The following LRRC9 variants were observed in gnomAD, a reference collection of about 807,000 sequenced individuals.
LRRC9 encodes leucine rich repeat containing 9, also known as leucine-rich repeat-containing protein 9.
A neutral mutation model predicts 63.2 loss-of-function variants in LRRC9; 122 were observed. The observed-to-expected ratio is 1.93, with a 90% CI of 1.67 to 2.24. The LOEUF is 2.24. Ranked by LOEUF, LRRC9 falls within the 30% of genes most tolerant of loss-of-function variation. LRRC9 has a pLI of 0.00. For synonymous variants in LRRC9, 366 were observed against 213.1 expected (o/e 1.72, Z -6.25); for missense variants, 1,071 against 627.7 (o/e 1.71, Z -7.55).
chr14:59,998,586 A>C (rs527261291), intron 18 of LRRC9, among the ~76,000 whole-genome samples: 1 of 152,200 alleles, frequency 6.6e-6, no homozygotes, highest in African/African-American at 2.4e-5. Flanking sequence ...TTAAAAAGGA[A>C]ACTAAGCACA....
In LRRC9 at chr14:60,051,219, C is replaced by A. The variant is rs1448106348; in HGVS notation, c.3991-1846C>A. ...ACAACAGAGACACTGTCTGCCTCTCCCCACAGGAGTTCCATCCCAGGGAGA... is the reference window on the plus strand; with the variant it reads ...ACAACAGAGACACTGTCTGCCTCTCACCACAGGAGTTCCATCCCAGGGAGA... On this transcript the variant is annotated intron_variant, in intron 29 of 31. Coordinates refer to ENST00000445360, the Ensembl canonical transcript of LRRC9. The surrounding 1 kb of genome is among the most constrained non-coding windows in gnomAD (Gnocchi z 4.7). 6.6e-6 allele frequency among the ~76,000 whole-genome samples: 1 copy of A among 152,204 alleles called. No homozygotes were observed. The highest frequency in any genetic ancestry group is 1.5e-5 in the Non-Finnish European group (1 of 68,032).
At chr14:59,956,751 G>A (rs553399875) in intron 8 of LRRC9, among the ~76,000 whole-genome samples, 78 of 152,256 alleles carry the variant, frequency 5.1e-4, no homozygotes, top group African/African-American at 1.8e-3. Context: ...TTTATATTTT[G>A]TTATGTTTTT....
At chr14:60,038,885 A>G (rs1250475266) in intron 29 of LRRC9, among the ~76,000 whole-genome samples, 1 of 152,222 alleles carries the variant, frequency 6.6e-6, no homozygotes, top group Non-Finnish European at 1.5e-5. Context: ...CCCATTCAGT[A>G]TGATATTGGC....
At chr14:60,014,530 T>C (rs1239815384) in intron 23 of LRRC9, among the ~76,000 whole-genome samples, 1 of 152,112 alleles carries the variant, frequency 6.6e-6, no homozygotes, top group Non-Finnish European at 1.5e-5. Flanking sequence ...GGATATAGAA[T>C]TCTGGGTTGA....
intron 6 of LRRC9, among the ~76,000 whole-genome samples, chr14:59,937,754 G>A (rs893447087): frequency 2.6e-5 from 4 of 152,074 alleles, no homozygotes; most frequent in Admixed American, 6.6e-5. Context: ...ATATGTTAAG[G>A]AGAAACATTG....
At chr14:60,049,397 T>A (rs1156713842) in intron 29 of LRRC9, among the ~76,000 whole-genome samples, 3 of 152,192 alleles carry the variant, frequency 2.0e-5, no homozygotes, top group African/African-American at 4.8e-5. Context: ...TGCTAATGGT[T>A]TTTCCTTTCC....
intron 28 of LRRC9, among the ~76,000 whole-genome samples, chr14:60,029,360 G>A (rs763457169): frequency 6.6e-6 from 1 of 152,028 alleles, no homozygotes; most frequent in African/African-American, 2.4e-5. Flanking sequence ...GTCTTCAAGT[G>A]AGATTCCATG....
rs1886061809 is a variant in LRRC9 at position 59,975,117 on chromosome 14, ATATATATATG to A, written c.1639+419_1639+428del. Among the ~76,000 whole-genome samples the A allele has an allele frequency of 1.8e-4, 3 of 16,656 alleles. 1 individual carries two copies. The highest frequency in any genetic ancestry group is 3.1e-4 in the African/African-American group (3 of 9,644). 10.9% of individuals were successfully genotyped at this position (16,656 alleles called of 152,430 possible). On this transcript the variant is annotated intron_variant, in intron 13 of 31. Transcript: ENST00000445360. Reference sequence around the variant, plus strand: ...TATATATATACATATATATATGTATATATATATATGTATATATATATACATATATATATGT... The same window carrying A: ...TATATATATACATATATATATGTATATATATATATATACATATATATATGT...
chr14:59,963,416 C>G (rs914601996), intron 10 of LRRC9, among the ~76,000 whole-genome samples: 7 of 151,524 alleles, frequency 4.6e-5, no homozygotes, highest in Non-Finnish European at 1.0e-4. Context: ...TGACATCATA[C>G]AACATTTATC....
At chr14:60,064,997 T>C (rs1894849633), downstream of LRRC9, among the ~76,000 whole-genome samples, 1 of 152,252 alleles carries the variant, frequency 6.6e-6, no homozygotes, top group Non-Finnish European at 1.5e-5. Context: ...ATTTTTCCTA[T>C]GGACTTTTAA....
chr14:59,936,762 C>T lies in LRRC9; in HGVS notation c.544-1628C>T, dbSNP rs1452526620. ...GGCTCAGCCCAAGCCTCAGGTCAGACCAGTGAGCCACATTCTCACTTGTCC... is the reference window on the plus strand; with the variant it reads ...GGCTCAGCCCAAGCCTCAGGTCAGATCAGTGAGCCACATTCTCACTTGTCC... On this transcript the variant is annotated intron_variant, in intron 6 of 31. Transcript: ENST00000445360. The surrounding 1 kb of genome is among the most constrained non-coding windows in gnomAD (Gnocchi z 4.2). 2.0e-5 allele frequency among the ~76,000 whole-genome samples: 3 copies of T among 152,190 alleles called. No individual in the cohort carries two copies. The highest frequency in any genetic ancestry group is 7.2e-5 in the African/African-American group (3 of 41,438).
chr14:60,011,103 A>C (rs1475435631), intron 23 of LRRC9, among the ~76,000 whole-genome samples: 2 of 152,234 alleles, frequency 1.3e-5, no homozygotes, highest in Non-Finnish European at 2.9e-5. Context: ...GCTGCCAATA[A>C]AGACATACAT....
Position 60,042,556 on chromosome 14 carries a change from G to A in LRRC9, c.3990+10493G>A, listed in dbSNP as rs375885861. ...GCATGGGATCCTCCAAGCCATGCGC[G>A]GGATATAATCTCCTGTTGTGCCGTT... On this transcript the variant is annotated intron_variant, in intron 29 of 31. Transcript: ENST00000445360. The surrounding 1 kb of genome is among the most constrained non-coding windows in gnomAD (Gnocchi z 4.2). Among the ~76,000 whole-genome samples, 48 of 152,286 alleles carry A rather than the reference G, an allele frequency of 3.2e-4. 1 individual carries two copies. In the South Asian group the frequency reaches 7.1e-3, roughly 22 times the overall value.
rs1159750803 is a variant in LRRC9, at chr14:59,938,928, T to C, written c.726+356T>C. On this transcript the variant is annotated intron_variant, in intron 7 of 31. Transcript: ENST00000445360. This position sits in a 1 kb window ranked among gnomAD's most constrained non-coding sequence, Gnocchi z 4.2. ...ACATATATACACATATGCATATATATACACATATATACATATACATACATA... is the reference window on the plus strand; with the variant it reads ...ACATATATACACATATGCATATATACACACATATATACATATACATACATA... 1.6e-4 allele frequency among the ~76,000 whole-genome samples: 21 copies of C among 127,390 alleles called. No individual in the cohort carries two copies. The highest frequency in any genetic ancestry group is 1.4e-3 in the Admixed American group (17 of 12,394). 83.6% of individuals were successfully genotyped at this position (127,390 alleles called of 152,430 possible). A position where few individuals can be genotyped will look rare whatever the true frequency, so the allele number is the denominator to read the frequency against.
chr14:59,971,845 G>A (rs1885540288), intron 12 of LRRC9, among the ~76,000 whole-genome samples: 1 of 152,004 alleles, frequency 6.6e-6, no homozygotes, highest in African/African-American at 2.4e-5. Flanking sequence ...CTCTGCCATT[G>A]TTTCCCAATA....
chr14:60,065,516 C>T (rs547652688), downstream of LRRC9, among the ~76,000 whole-genome samples: 3 of 149,178 alleles, frequency 2.0e-5, no homozygotes, highest in Non-Finnish European at 4.5e-5. Flanking sequence ...GGAATGGTGG[C>T]GTACACCTGT....
chr14:59,952,773 G>A (rs566765206), intron 8 of LRRC9, among the ~76,000 whole-genome samples: 16 of 152,108 alleles, frequency 1.1e-4, no homozygotes, highest in African/African-American at 3.6e-4. Context: ...AGCCCCGCAT[G>A]CATTAGGTAT....
rs531812559 is a variant in LRRC9 at position 60,056,208 on chromosome 14, A to G, written c.4132-1670A>G. Reference sequence around the variant, plus strand: ...ACAGGTTTTGGGAATTAGGATGTAGATATCTTTAGGGGAGGGGCATTATTC... The same window carrying G: ...ACAGGTTTTGGGAATTAGGATGTAGGTATCTTTAGGGGAGGGGCATTATTC... On this transcript the variant is annotated intron_variant, in intron 30 of 31. Transcript: ENST00000445360. Among the ~76,000 whole-genome samples the G allele has an allele frequency of 4.6e-5, 7 of 152,318 alleles. No homozygotes were observed. The South Asian group carries it at 1.2e-3, about 27-fold the overall frequency.
exon 3 of LRRC9, chr14:59,928,355 C>T (rs768157843): frequency 2.7e-5 from 19 of 691,914 alleles, no homozygotes; most frequent in Middle Eastern, 2.3e-4. Context: ...AGGGTATCCT[C>T]GTATAGTTGG....
Sources: allele counts gnomAD v4.1 joint callset (sites outside exome capture counted in the v4.1 genomes callset), GRCh38; gene constraint gnomAD v4.1.1; non-coding constraint Gnocchi (gnomAD v3.1); transcripts MANE v1.5; gene names NCBI Gene and HGNC (gene_info 2026-07-23, HGNC 2026-07-21).